The following ZNF329 variants were observed in gnomAD, a reference collection of about 807,000 sequenced individuals.
ZNF329 encodes zinc finger protein 329.
ZNF329 carries 15 observed loss-of-function variants against 26.6 expected under a neutral mutation model. That is an observed-to-expected ratio of 0.56 (90% CI 0.38 to 0.87). The LOEUF (loss-of-function observed/expected upper bound fraction) is 0.87. ZNF329 is among the 40% of genes least tolerant of loss of function. ZNF329 has a pLI of 0.00. For synonymous variants in ZNF329, 239 were observed against 233.5 expected, an observed-to-expected ratio of 1.02 and a Z score of -0.21; for missense variants, 651 against 651.9, an observed-to-expected ratio of 1.00 and a Z score of 0.02.
chr19:58,146,742 G>A (rs1326906214), intron 1 of ZNF329, among the ~76,000 whole-genome samples: 3 of 152,048 alleles, frequency 2.0e-5, no homozygotes, highest in Admixed American at 1.3e-4. Flanking sequence ...TGGTGGAGAC[G>A]GGGTTTCGCT....
Position 58,128,335 on chromosome 19 carries a change from T to C in ZNF329, c.1169A>G (p.Gln390Arg). Reference sequence around the variant, plus strand: ...GGGTTTCTCCCCAGAATGGATCTTTTGATGCACAATGAGGTGAGAGTTTCT... The same window carrying C: ...GGGTTTCTCCCCAGAATGGATCTTTCGATGCACAATGAGGTGAGAGTTTCT... ...FNRNSHLIVH[Q>R]KIHSGEKPYE... The change falls in exon 4 of 4, where the codon CAA becomes CGA. Residue 390 changes from glutamine to arginine, a missense_variant. By Grantham distance (43) the Gln-to-Arg change is conservative. Transcript: ENST00000598312. 6.2e-7 allele frequency: 1 copy of C among 1,614,190 alleles called. No homozygotes were observed. Among genetic ancestry groups the C allele is most frequent in the South Asian group, 1.1e-5 (1 of 91,084 alleles).
intron 1 of ZNF329, among the ~76,000 whole-genome samples, chr19:58,150,005 G>C (rs1372201277): frequency 6.6e-6 from 1 of 152,092 alleles, no homozygotes; most frequent in Non-Finnish European, 1.5e-5. Context: ...GAAAGATAAG[G>C]GATACAGTAA....
intron 3 of ZNF329, among the ~76,000 whole-genome samples, chr19:58,141,391 C>A (rs763097455): frequency 1.3e-5 from 2 of 152,086 alleles, no homozygotes; most frequent in Non-Finnish European, 2.9e-5. Flanking sequence ...CTCCTCCTCC[C>A]GGGTTCAAGT....
At chr19:58,142,287 G>A (rs1351237238) in intron 3 of ZNF329, among the ~76,000 whole-genome samples, 2 of 152,094 alleles carry the variant, frequency 1.3e-5, no homozygotes, top group African/African-American at 2.4e-5. Flanking sequence ...GAAAACATTC[G>A]AAGATTGACT....
chr19:58,133,770 G>A (rs1236248333), intron 3 of ZNF329, among the ~76,000 whole-genome samples: 1 of 151,994 alleles, frequency 6.6e-6, no homozygotes, highest in Admixed American at 6.6e-5. Flanking sequence ...AGGTCGAGGT[G>A]GGGGGATCAC....
intron 1 of ZNF329, among the ~76,000 whole-genome samples, chr19:58,147,124 G>T (rs1475282431): frequency 6.6e-6 from 1 of 151,136 alleles, no homozygotes; most frequent in African/African-American, 2.4e-5. Context: ...CTGCCCGGCC[G>T]CCCATCGTCT....
intron 3 of ZNF329, among the ~76,000 whole-genome samples, chr19:58,135,411 G>A (rs1002840522): frequency 2.0e-5 from 3 of 152,014 alleles, no homozygotes; most frequent in Admixed American, 6.6e-5. Flanking sequence ...GGGATTACAG[G>A]TGCCCACCAC....
intron 1 of ZNF329, 42 bp from the exon 2 acceptor site, chr19:58,143,240 T>A (rs932035486): frequency 6.6e-6 from 1 of 152,062 alleles, no homozygotes; most frequent in Non-Finnish European, 1.5e-5. Flanking sequence ...AAAAATTATA[T>A]AGTATCTTTG....
chr19:58,150,009 A>G (rs1410830785), intron 1 of ZNF329, among the ~76,000 whole-genome samples: 1 of 152,204 alleles, frequency 6.6e-6, no homozygotes, highest in Non-Finnish European at 1.5e-5. Flanking sequence ...GATAAGGGAT[A>G]CAGTAAGTTC....
At chr19:58,148,628 G>A (rs776572217) in intron 1 of ZNF329, among the ~76,000 whole-genome samples, 3 of 152,074 alleles carry the variant, frequency 2.0e-5, no homozygotes, top group Non-Finnish European at 4.4e-5. Context: ...CAAGGCAGGA[G>A]GACTGCTTAA....
intron 3 of ZNF329, among the ~76,000 whole-genome samples, chr19:58,138,911 C>T (rs980709546): frequency 6.6e-6 from 1 of 151,298 alleles, no homozygotes; most frequent in African/African-American, 2.4e-5. Context: ...GCACAAGAAT[C>T]GCTTAAACCT....
At chr19:58,132,071 A>G (rs558619778) in intron 3 of ZNF329, among the ~76,000 whole-genome samples, 2 of 152,178 alleles carry the variant, frequency 1.3e-5, no homozygotes, top group Admixed American at 1.3e-4. Flanking sequence ...TGAAAACATC[A>G]ATATTTATTT....
intron 1 of ZNF329, among the ~76,000 whole-genome samples, chr19:58,148,216 C>T (rs1395183767): frequency 1.3e-5 from 2 of 150,930 alleles, no homozygotes; most frequent in African/African-American, 2.5e-5. Flanking sequence ...GAGTCATCAC[C>T]ACTCCCTAAT....
intron 1 of ZNF329, among the ~76,000 whole-genome samples, chr19:58,150,003 AG>A (rs1298815234): frequency 6.6e-6 from 1 of 152,206 alleles, no homozygotes; most frequent in East Asian, 1.9e-4. Context: ...AGGAAAGATA[AG>A]GGATACAGTA....
At chr19:58,151,698 C>T (rs765222866), upstream of ZNF329, among the ~76,000 whole-genome samples, 8 of 150,460 alleles carry the variant, frequency 5.3e-5, no homozygotes, top group Non-Finnish European at 1.2e-4. Context: ...CCACATGATA[C>T]AACTTACCTG....
upstream of ZNF329, among the ~76,000 whole-genome samples, chr19:58,154,085 T>A (rs1421498964): frequency 6.6e-6 from 1 of 151,554 alleles, no homozygotes. Flanking sequence ...CACTGCAGCC[T>A]CCAAACTCTG....
upstream of ZNF329, among the ~76,000 whole-genome samples, chr19:58,152,616 G>C (rs2075477314): frequency 6.6e-6 from 1 of 152,130 alleles, no homozygotes; most frequent in African/African-American, 2.4e-5. Context: ...CCAGCACTTT[G>C]GGAGGCCGAG....
intron 2 of ZNF329, among the ~76,000 whole-genome samples, chr19:58,142,876 CTG>C (rs947348776): frequency 6.6e-6 from 1 of 152,094 alleles, no homozygotes; most frequent in African/African-American, 2.4e-5. Context: ...ACAAGAAAGT[CTG>C]GGAGTTTCCT....
chr19:58,143,329 G>T (rs921518982), intron 1 of ZNF329, 131 bp from the exon 2 acceptor site: 4 of 152,196 alleles, frequency 2.6e-5, no homozygotes, highest in Admixed American at 2.6e-4. Context: ...GTACACAGAT[G>T]AAAGGGCTGG....
Sources: gnomAD v4.1 joint callset for allele counts (sites outside exome capture counted in the v4.1 genomes callset) on GRCh38, gnomAD v4.1.1 for gene constraint, MANE v1.5 for transcripts, NCBI Gene and HGNC (gene_info 2026-07-23, HGNC 2026-07-21) for gene names.